ADCY7: variants seen among roughly 807,000 people sequenced by gnomAD.
The protein encoded by ADCY7 is adenylate cyclase 7.
A neutral mutation model predicts 120.6 loss-of-function variants in ADCY7; 72 were observed. The observed-to-expected ratio is 0.60, with a 90% CI of 0.49 to 0.73. The LOEUF (loss-of-function observed/expected upper bound fraction) is 0.73, where lower values mean the gene tolerates loss of function less well. Among genes scored for constraint, ADCY7 ranks in the 30% least tolerant of loss-of-function variants. The probability of loss-of-function intolerance (pLI) is 0.00; values close to 1 mark genes in which losing one functional copy is unlikely to be tolerated. For synonymous variants in ADCY7, 661 were observed against 628.0 expected (o/e 1.05, Z -0.78); for missense variants, 1,227 against 1,486.0 (o/e 0.83, Z 2.87).
chr16:50,277,771 C>A (rs912494183), intron 1 of ADCY7, among the ~76,000 whole-genome samples: 1 of 150,448 alleles, frequency 6.6e-6, no homozygotes, highest in Non-Finnish European at 1.5e-5. Context: ...CCCAGTTTCA[C>A]GCCATTATCC....
At chr16:50,280,906 G>T (rs951976742) in intron 1 of ADCY7, among the ~76,000 whole-genome samples, 13 of 152,246 alleles carry the variant, frequency 8.5e-5, no homozygotes, top group Admixed American at 5.2e-4. Context: ...CAGGTTTCTG[G>T]TCCCCAAGAC....
intron 1 of ADCY7, among the ~76,000 whole-genome samples, chr16:50,274,858 G>A (rs1437060812): frequency 6.6e-6 from 1 of 152,164 alleles, no homozygotes; most frequent in East Asian, 1.9e-4. Context: ...CCCTGGAGGA[G>A]TCAGGCCCAG....
Position 50,294,637 on chromosome 16 carries a change from C to T in ADCY7, c.837-3C>T, listed in dbSNP as rs2035225704. 5 of 1,595,668 alleles carry T rather than the reference C, an allele frequency of 3.1e-6. No individual in the cohort carries two copies. In the East Asian group the frequency reaches 1.1e-4, roughly 36 times the overall value. ...ACTCCCTCCCACCCTGCCCCATCCC[C>T]AGCATCCTCTATGCGGACATCGTGG... On this transcript the variant is annotated splice_polypyrimidine_tract_variant and splice_region_variant and intron_variant, in intron 6 of 25. Transcript: ENST00000673801.
At chr16:50,303,185 A>G (rs886119103) in intron 10 of ADCY7, among the ~76,000 whole-genome samples, 1 of 151,970 alleles carries the variant, frequency 6.6e-6, no homozygotes, top group Non-Finnish European at 1.5e-5. Flanking sequence ...GGAGGAGGGG[A>G]CAGAGAAACG....
Position 50,293,521 on chromosome 16 carries a change from G to T in ADCY7, c.836+19G>T. 4 of 1,612,916 alleles carry T rather than the reference G, an allele frequency of 2.5e-6. No individual in the cohort carries two copies. The highest frequency in any genetic ancestry group is 3.4e-6 in the Non-Finnish European group (4 of 1,179,462). On this transcript the variant is annotated intron_variant, in intron 6 of 25. Transcript: ENST00000673801. ...ATGTCAGGTGGGCGGTGAGACGTGT[G>T]ATTAGCATATCCCGGGGACTGGGCC...
intron 1 of ADCY7, among the ~76,000 whole-genome samples, chr16:50,274,618 C>T (rs1403535109): frequency 6.6e-6 from 1 of 152,116 alleles, no homozygotes; most frequent in African/African-American, 2.4e-5. Context: ...GGGCTGGGCA[C>T]TTTGCGAGCT....
At chr16:50,295,345 A>ATTTTT (rs67137852) in intron 7 of ADCY7, among the ~76,000 whole-genome samples, 4,341 of 82,334 alleles carry the variant, frequency 0.053, 574 homozygotes, top group African/African-American at 0.067. Context: ...CGCCTGGCTA[A>ATTTTT]TTTTTTTTTT....
chr16:50,248,765 T>C (rs529825838), intron 1 of ADCY7, among the ~76,000 whole-genome samples: 1 of 152,336 alleles, frequency 6.6e-6, no homozygotes, highest in Non-Finnish European at 1.5e-5. Context: ...AGATGAGGTC[T>C]GGAGGCTGAT....
At chr16:50,292,526 TC>T (rs1596911403) in intron 4 of ADCY7, 149 bp from the exon 5 acceptor site, 2 of 970,002 alleles carry the variant, frequency 2.1e-6, no homozygotes, top group East Asian at 5.0e-5. Flanking sequence ...GGCCTCAGTT[TC>T]CCTGTCTGCC....
chr16:50,262,404 C>G (rs373297864), upstream of ADCY7, among the ~76,000 whole-genome samples: 63 of 152,082 alleles, frequency 4.1e-4, 1 homozygote, highest in African/African-American at 1.3e-3. Context: ...ATTCAGGTGC[C>G]CGCCACAATG....
chr16:50,281,157 C>A (rs1463536991), intron 1 of ADCY7, among the ~76,000 whole-genome samples: 1 of 152,206 alleles, frequency 6.6e-6, no homozygotes, highest in Non-Finnish European at 1.5e-5. Context: ...TGACACTAAG[C>A]GTGCCTTCTT....
In ADCY7 at chr16:50,290,537, C is replaced by T. The variant is rs989437851; in HGVS notation, c.252C>T (p.Tyr84=). ...AVFAALSVLM[Y]VECLLRRWLR... ...TTGCGGCCCTCTCTGTGCTGATGTA[C>T]GTCGAGTGTCTCCTGCGGCGCTGGC... The change falls in exon 3 of 26, where the codon TAC becomes TAT. Residue 84 remains tyrosine, a synonymous_variant. Transcript: ENST00000673801. 7 of 1,614,116 alleles carry T rather than the reference C, an allele frequency of 4.3e-6. No homozygotes were observed. Among genetic ancestry groups the T allele is most frequent in the African/African-American group, 1.3e-5 (1 of 74,950 alleles).
At chr16:50,313,281 CT>C in intron 22 of ADCY7, 1 of 392,024 alleles carries the variant, frequency 2.6e-6, no homozygotes, top group Non-Finnish European at 4.8e-6. Context: ...ACAAGCTGGG[CT>C]TGGGGCGCAC....
At chr16:50,313,070 C>T (rs758127322) in intron 22 of ADCY7, 34 bp downstream of exon 22, 3 of 1,611,890 alleles carry the variant, frequency 1.9e-6, no homozygotes, top group East Asian at 2.2e-5. Flanking sequence ...CGCAGCAGCC[C>T]CCACCCATGC....
At chr16:50,266,297 G>GT (rs778389812), upstream of ADCY7, among the ~76,000 whole-genome samples, 10 of 152,320 alleles carry the variant, frequency 6.6e-5, no homozygotes, top group East Asian at 3.9e-4. Context: ...TCTAATGGAG[G>GT]TTTTTGGTGC....
Position 50,312,919 on chromosome 16 carries a change from C to G in ADCY7, c.2634C>G (p.Val878=), listed in dbSNP as rs770893466. The G allele has an allele frequency of 1.3e-5, 21 of 1,614,104 alleles. No individual in the cohort carries two copies. The Admixed American group carries it at 2.2e-4, about 17-fold the overall frequency. The change falls in exon 22 of 26, where the codon GTC becomes GTG. Residue 878 remains valine, a synonymous_variant. Coordinates refer to ENST00000673801, the MANE Select transcript of ADCY7 (RefSeq NM_001114.5). ...EDWYHQSYDC[V]CVMFASVPDF... ...GGTACCATCAGTCCTATGACTGCGT[C>G]TGTGTCATGTTTGCCTCCGTGCCGG...
chr16:50,271,401 C>T (rs920993870), intron 1 of ADCY7, among the ~76,000 whole-genome samples: 12 of 152,178 alleles, frequency 7.9e-5, no homozygotes, highest in Non-Finnish European at 1.6e-4. Flanking sequence ...GCCACCACAC[C>T]CAGCCTGTCC....
intron 1 of ADCY7, among the ~76,000 whole-genome samples, chr16:50,281,463 G>A (rs1218555713): frequency 6.6e-6 from 1 of 152,302 alleles, no homozygotes. Flanking sequence ...TCCTTTGGCT[G>A]TGGCGCCCTC....
intron 3 of ADCY7, among the ~76,000 whole-genome samples, 184 bp from the exon 4 acceptor site, chr16:50,291,552 C>T (rs561758978): frequency 3.9e-5 from 6 of 152,182 alleles, no homozygotes; most frequent in South Asian, 4.1e-4. Context: ...ACCTTGTGGC[C>T]GGGCCCACCC....
Sources: gnomAD v4.1 joint callset for allele counts (sites outside exome capture counted in the v4.1 genomes callset) on GRCh38, gnomAD v4.1.1 for gene constraint, MANE v1.5 for transcripts, NCBI Gene and HGNC (gene_info 2026-07-23, HGNC 2026-07-21) for gene names.